Variants in NT5E observed in about 807,000 individuals in gnomAD.
NT5E encodes the protein 5'-nucleotidase ecto.
In NT5E, 53 loss-of-function variants were observed where a neutral mutation model predicts 55.1. That is an observed-to-expected ratio of 0.96 (90% CI 0.77 to 1.21). The LOEUF (loss-of-function observed/expected upper bound fraction) is 1.21. NT5E is among the 50% of genes most tolerant of loss of function. NT5E has a pLI of 0.00. For missense variants in NT5E, 683 were observed against 724.3 expected (o/e 0.94, Z 0.65); for synonymous variants, 270 against 278.4 (o/e 0.97, Z 0.30).
chr6:85,487,140 T>C lies in NT5E; in HGVS notation c.950-195T>C, dbSNP rs1012880386. ...TGTTCAGAATATTCTTAAATTAAGA[T>C]GCATTCCAGGTCTTATTACCAGGAA... On this transcript the variant is annotated intron_variant, in intron 4 of 8. Transcript: ENST00000257770. 2.0e-5 allele frequency among the ~76,000 whole-genome samples: 3 copies of C among 152,246 alleles called. No individual in the cohort carries two copies. The South Asian group carries it at 6.2e-4, about 31-fold the overall frequency.
At chr6:85,485,916 C>T (rs554771127) in intron 4 of NT5E, among the ~76,000 whole-genome samples, 6 of 152,298 alleles carry the variant, frequency 3.9e-5, no homozygotes, top group Non-Finnish European at 8.8e-5. Flanking sequence ...GCCCGCAATG[C>T]AATGGGGCTC....
At position 85,492,190 on chromosome 6, in the gene NT5E, GTCTC is replaced by G. The variant is rs747607675; in HGVS notation, c.1561+15_1561+18del. The G allele has an allele frequency of 5.6e-6, 9 of 1,612,408 alleles. No homozygotes were observed. Among genetic ancestry groups the G allele is most frequent in the Non-Finnish European group, 6.8e-6 (8 of 1,178,654 alleles). On this transcript the variant is annotated intron_variant, in intron 8 of 8. Coordinates refer to ENST00000257770, the MANE Select transcript of NT5E (RefSeq NM_002526.4). ...AGACATGACTCTGGTAAGCATGACT[GTCTC>G]TTCCTTTCTCTAAAGAACAACAAAA...
Position 85,450,494 on chromosome 6 carries a change from G to T in NT5E, c.339+16G>T. The T allele has an allele frequency of 6.4e-7, 1 of 1,571,776 alleles. No individual in the cohort carries two copies. Among genetic ancestry groups the T allele is most frequent in the East Asian group, 2.3e-5 (1 of 43,328 alleles). On this transcript the variant is annotated intron_variant, in intron 1 of 8. Coordinates refer to ENST00000257770, the MANE Select transcript of NT5E (RefSeq NM_002526.4). This position sits in a 1 kb window ranked among gnomAD's most constrained non-coding sequence, Gnocchi z 4.0. ...CGATGCCATGGTAAGACCCGAGCCC[G>T]CGCCCGGGATAGTAGTCCCGGACTG...
Position 85,473,305 on chromosome 6 carries a change from G to GT in NT5E, c.751+1880_751+1881insT, listed in dbSNP as rs554010150. Among the ~76,000 whole-genome samples the GT allele has an allele frequency of 1.2e-3, 181 of 152,264 alleles. 1 individual carries two copies. The highest frequency in any genetic ancestry group is 4.0e-3 in the African/African-American group (168 of 41,560). On this transcript the variant is annotated intron_variant, in intron 3 of 8. Transcript: ENST00000257770. ...GTGATAACAACAGTACCTATTATAA[G>GT]GGGTCACTGTGATTTAATATGTGTA...
At position 85,494,947 on chromosome 6, in the gene NT5E, T is replaced by A. The variant is rs1769860796; in HGVS notation, c.*943T>A. 1 of 152,228 alleles carries A rather than the reference T, an allele frequency of 6.6e-6. No homozygotes were observed. Among genetic ancestry groups the A allele is most frequent in the Non-Finnish European group, 1.5e-5 (1 of 68,040 alleles). 9.4% of individuals were successfully genotyped at this position (152,228 alleles called of 1,614,324 possible). On this transcript the variant is annotated 3_prime_UTR_variant, in exon 9 of 9. Coordinates refer to ENST00000257770, the MANE Select transcript of NT5E (RefSeq NM_002526.4). ...ACACACGGCATTAGCTGTTATTTTA[T>A]GAGATTCCATCAGCTCTGCCTCTGT...
intron 2 of NT5E, among the ~76,000 whole-genome samples, chr6:85,469,105 C>T (rs1038957688): frequency 2.0e-5 from 3 of 152,240 alleles, no homozygotes; most frequent in African/African-American, 7.2e-5. Context: ...GGGTTATAAC[C>T]TGTATTTCTA....
At chr6:85,478,838 G>T (rs1459873915) in intron 3 of NT5E, among the ~76,000 whole-genome samples, 1 of 151,618 alleles carries the variant, frequency 6.6e-6, no homozygotes, top group Non-Finnish European at 1.5e-5. Flanking sequence ...TATATATATA[G>T]TATTGAGAGA....
At chr6:85,478,338 T>C (rs1383433283) in intron 3 of NT5E, among the ~76,000 whole-genome samples, 1 of 152,110 alleles carries the variant, frequency 6.6e-6, no homozygotes, top group Non-Finnish European at 1.5e-5. Context: ...TTTGGCAGGG[T>C]AGAATTATAA....
intron 3 of NT5E, among the ~76,000 whole-genome samples, chr6:85,473,490 A>T (rs1470728628): frequency 6.6e-6 from 1 of 152,126 alleles, no homozygotes; most frequent in Non-Finnish European, 1.5e-5. Flanking sequence ...GGAGCTAGAT[A>T]TGTCTCCTCC....
rs773781046 is a variant in NT5E at position 85,492,055 on chromosome 6, G to A, written c.1439G>A (p.Arg480Gln). 13 of 1,614,046 alleles carry A rather than the reference G, an allele frequency of 8.1e-6. No individual in the cohort carries two copies. In the East Asian group the frequency reaches 1.6e-4, roughly 19 times the overall value. The change falls in exon 8 of 9, where the codon CGA (arginine) becomes CAA (glutamine). Residue 480 changes from arginine to glutamine, a missense_variant. Physicochemically the swap from Arg to Gln is conservative, Grantham distance 43. Transcript: ENST00000257770. Reference protein sequence around the residue: ...VKLDVLCTKCRVPSYDPLKMD... With the variant: ...VKLDVLCTKCQVPSYDPLKMD... ...TTAGATGTTCTTTGCACCAAGTGTC[G>A]AGTGCCCAGTTATGACCCTCTCAAA...
chr6:85,457,035 G>A (rs190072878), intron 1 of NT5E, among the ~76,000 whole-genome samples: 26 of 152,328 alleles, frequency 1.7e-4, no homozygotes, highest in Non-Finnish European at 3.2e-4. Context: ...CTTTGCAGGG[G>A]TGGCTCAGGA....
In NT5E at chr6:85,490,537, G is replaced by A; in HGVS notation, c.1240G>A (p.Val414Ile). ...GTITWENLAA[V>I]LPFGGTFDLV... ...AATTACCTGGGAGAACCTGGCTGCT[G>A]TATTGCCCTTTGGAGGCACATTTGA... Residue 414 changes from valine (V) to isoleucine (I), a missense_variant, in exon 7 of 9, where the codon GTA becomes ATA. Coordinates refer to ENST00000257770, the MANE Select transcript of NT5E (RefSeq NM_002526.4). 1 of 1,614,214 alleles carries A rather than the reference G, an allele frequency of 6.2e-7. No individual in the cohort carries two copies. The highest frequency in any genetic ancestry group is 8.5e-7 in the Non-Finnish European group (1 of 1,180,012).
At chr6:85,487,555 G>T (rs575013197) in intron 5 of NT5E, 66 bp downstream of exon 5, 46 of 1,586,726 alleles carry the variant, frequency 2.9e-5, no homozygotes, top group Non-Finnish European at 3.9e-5. Context: ...GAGGAAGGAA[G>T]GATGCGAGAA....
chr6:85,487,242 A>T, intron 4 of NT5E, 93 bp from the exon 5 acceptor site: 1 of 1,171,066 alleles, frequency 8.5e-7, no homozygotes. Flanking sequence ...ATATGTTCTC[A>T]CAGCAAGTAA....
rs144307511 is a variant in NT5E, at chr6:85,462,614, T to A, written c.340-4446T>A. Among the ~76,000 whole-genome samples the A allele has an allele frequency of 5.6e-3, 855 of 152,310 alleles. 3 individuals are homozygous for A. Among genetic ancestry groups the A allele is most frequent in the Non-Finnish European group, 6.9e-3 (471 of 68,024 alleles). ...TTCACACATCAGATTGACCCTATGT[T>A]CTCTGTGACACCAGGTGAGCTCTGG... On this transcript the variant is annotated intron_variant, in intron 1 of 8. Coordinates refer to ENST00000257770, the MANE Select transcript of NT5E (RefSeq NM_002526.4).
intron 1 of NT5E, among the ~76,000 whole-genome samples, chr6:85,462,385 CA>C: frequency 6.6e-6 from 1 of 152,244 alleles, no homozygotes; most frequent in African/African-American, 2.4e-5. Context: ...TTAGCAGCAT[CA>C]TTTTTTTTTC....
At position 85,467,274 on chromosome 6, in the gene NT5E, C is replaced by G; in HGVS notation, c.554C>G (p.Ser185Ter). 1 of 1,613,684 alleles carries G rather than the reference C, an allele frequency of 6.2e-7. No homozygotes were observed. The highest frequency in any genetic ancestry group is 8.5e-7 in the Non-Finnish European group (1 of 1,179,644). Reference protein sequence around the residue: ...GYTSKETPFLSNPGTNLVFED... With the variant: ...GYTSKETPFL Reference sequence around the variant, plus strand: ...ACTTCCAAAGAAACCCCTTTTCTCTCAAATCCAGGTATTTTCTACTTTTAT... The same window carrying G: ...ACTTCCAAAGAAACCCCTTTTCTCTGAAATCCAGGTATTTTCTACTTTTAT... Residue 185 changes from serine (S) to a stop codon, truncating the protein, a stop_gained, in exon 2 of 9, where the codon TCA becomes TGA. Transcript: ENST00000257770. LOFTEE classifies it high-confidence loss of function.
At chr6:85,483,517 G>T (rs1769589793) in intron 3 of NT5E, among the ~76,000 whole-genome samples, 1 of 152,198 alleles carries the variant, frequency 6.6e-6, no homozygotes, top group South Asian at 2.1e-4. Flanking sequence ...ATGGAACAAA[G>T]GCTTTCACTG....
intron 3 of NT5E, among the ~76,000 whole-genome samples, chr6:85,484,912 G>C (rs890356178): frequency 1.3e-5 from 2 of 152,172 alleles, no homozygotes; most frequent in Admixed American, 6.5e-5. Flanking sequence ...CACCTGGCTA[G>C]TGAGAATGGA....
Sources: gnomAD v4.1 joint callset for allele counts (sites outside exome capture counted in the v4.1 genomes callset) on GRCh38, gnomAD v4.1.1 for gene constraint, Gnocchi (gnomAD v3.1) non-coding constraint, MANE v1.5 for transcripts, NCBI Gene and HGNC (gene_info 2026-07-23, HGNC 2026-07-21) for gene names.